Variants in ABI2 observed in about 807,000 individuals in gnomAD.
The protein encoded by ABI2 is abl interactor 2, also known as abelson interactor 2.
A neutral mutation model predicts 59.2 loss-of-function variants in ABI2; 25 were observed. The ratio of observed to expected loss-of-function variants is 0.42; its 90% CI spans 0.31 to 0.59. The LOEUF (loss-of-function observed/expected upper bound fraction) is 0.59. ABI2 is among the 20% of genes least tolerant of loss of function. The pLI is 0.14. For synonymous variants in ABI2, 213 were observed against 235.5 expected, an observed-to-expected ratio of 0.90 and a Z score of 0.87; for missense variants, 545 against 681.8, an observed-to-expected ratio of 0.80 and a Z score of 2.23.
intron 1 of ABI2, among the ~76,000 whole-genome samples, chr2:203,343,585 T>G (rs1437426253): frequency 6.6e-6 from 1 of 152,094 alleles, no homozygotes; most frequent in Non-Finnish European, 1.5e-5. Flanking sequence ...TGCTTGGGCC[T>G]CCCAAAGTGT....
At chr2:203,422,406 TG>T (rs2098257236) in intron 11 of ABI2, among the ~76,000 whole-genome samples, 1 of 152,312 alleles carries the variant, frequency 6.6e-6, no homozygotes, top group East Asian at 1.9e-4. Flanking sequence ...GTGCACTAAC[TG>T]GGGCGGTGAC....
rs756375740 is a variant in ABI2, at chr2:203,396,713, C to CT, written c.851-71dup. The CT allele has an allele frequency of 5.6e-6, 8 of 1,418,434 alleles. No homozygotes were observed. In the Admixed American group the frequency reaches 8.4e-5, roughly 15 times the overall value. 87.9% of individuals were successfully genotyped at this position (1,418,434 alleles called of 1,614,324 possible). A position where few individuals can be genotyped will look rare whatever the true frequency, so the allele number is the denominator to read the frequency against. ...CACTGAATATCTAACATTAAATACT[C>CT]TAATACCTTTTCTAATCCTGCCTCA... On this transcript the variant is annotated intron_variant, in intron 7 of 11. Transcript: ENST00000261018.
At chr2:203,356,414 G>A (rs542596047) in intron 1 of ABI2, among the ~76,000 whole-genome samples, 1 of 152,098 alleles carries the variant, frequency 6.6e-6, no homozygotes, top group South Asian at 2.1e-4. Context: ...TGTTGCCCAG[G>A]CTGGAGTGCA....
chr2:203,356,471 C>T (rs948670731), intron 1 of ABI2, among the ~76,000 whole-genome samples: 2 of 152,130 alleles, frequency 1.3e-5, no homozygotes, highest in African/African-American at 4.8e-5. Flanking sequence ...CAGGTTTGAG[C>T]AATTCTCCTG....
chr2:203,328,748 G>T (rs2070300903), intron 1 of ABI2, 117 bp downstream of exon 1: 1 of 546,168 alleles, frequency 1.8e-6, no homozygotes, highest in Non-Finnish European at 3.1e-6. Context: ...CCCGATGGGG[G>T]TGGGGAGCTG....
At chr2:203,381,256 C>T (rs1156613101) in intron 3 of ABI2, among the ~76,000 whole-genome samples, 1 of 152,092 alleles carries the variant, frequency 6.6e-6, no homozygotes, top group Non-Finnish European at 1.5e-5. Context: ...TTGATGCAAG[C>T]ACTATTATCT....
chr2:203,330,577 G>C (rs2072591643), intron 1 of ABI2, among the ~76,000 whole-genome samples: 1 of 152,152 alleles, frequency 6.6e-6, no homozygotes, highest in Non-Finnish European at 1.5e-5. Flanking sequence ...AGGAGGACTG[G>C]AGGAAGCAAT....
chr2:203,406,373 A>G (rs2097426413), intron 9 of ABI2, among the ~76,000 whole-genome samples: 1 of 152,224 alleles, frequency 6.6e-6, no homozygotes, highest in Non-Finnish European at 1.5e-5. Context: ...CATAAAGTGA[A>G]TGTTGGTTCC....
In ABI2 at chr2:203,328,646, C is replaced by T; in HGVS notation, c.117+15C>T. Reference sequence around the variant, plus strand: ...ACTACATACAGGTGCGAAGCATCCCCAGCTGGGCCGCGTCGGGGACCCCCC... The same window carrying T: ...ACTACATACAGGTGCGAAGCATCCCTAGCTGGGCCGCGTCGGGGACCCCCC... On this transcript the variant is annotated intron_variant, in intron 1 of 11. Coordinates refer to ENST00000261018, the MANE Select transcript of ABI2 (RefSeq NM_001375670.1). 6.6e-7 allele frequency: 1 copy of T among 1,524,512 alleles called. No individual in the cohort carries two copies. The highest frequency in any genetic ancestry group is 8.8e-7 in the Non-Finnish European group (1 of 1,133,846). 94.4% of individuals were successfully genotyped at this position (1,524,512 alleles called of 1,614,324 possible).
intron 1 of ABI2, among the ~76,000 whole-genome samples, chr2:203,358,452 A>G (rs1474407263): frequency 6.6e-6 from 1 of 152,160 alleles, no homozygotes. Context: ...CCAGCCAGAA[A>G]TGTAGTTTGA....
intron 2 of ABI2, among the ~76,000 whole-genome samples, chr2:203,371,422 C>A (rs965819276): frequency 6.6e-6 from 1 of 152,158 alleles, no homozygotes; most frequent in Non-Finnish European, 1.5e-5. Context: ...TATATAGTAT[C>A]AGACACTTTT....
chr2:203,395,448 T>TATATATATATATATACAC (rs750379504), intron 6 of ABI2, among the ~76,000 whole-genome samples: 11 of 115,316 alleles, frequency 9.5e-5, no homozygotes, highest in African/African-American at 1.2e-4. Context: ...TATATATATA[T>TATATATATATATATACAC]ACACACACAC....
chr2:203,373,401 A>G (rs1467680994), intron 2 of ABI2, among the ~76,000 whole-genome samples: 1 of 151,524 alleles, frequency 6.6e-6, no homozygotes, highest in Non-Finnish European at 1.5e-5. Flanking sequence ...GCAGTGAGCC[A>G]AGATGGCAGC....
chr2:203,405,460 C>T (rs145766207), intron 9 of ABI2, among the ~76,000 whole-genome samples: 6 of 151,828 alleles, frequency 4.0e-5, no homozygotes, highest in African/African-American at 9.7e-5. Context: ...TGAGGCAGAA[C>T]GATTGGTTGA....
rs964497911 is a variant in ABI2 at position 203,429,615 on chromosome 2, G to A, written c.*2263G>A. 6 of 152,088 alleles carry A rather than the reference G, an allele frequency of 3.9e-5. No individual in the cohort carries two copies. Among genetic ancestry groups the A allele is most frequent in the Admixed American group, 3.9e-4 (6 of 15,266 alleles). The allele number at this position is 152,088 out of a possible 1,614,324, so 9.4% of individuals were successfully genotyped here. On this transcript the variant is annotated 3_prime_UTR_variant, in exon 12 of 12. Coordinates refer to ENST00000261018, the MANE Select transcript of ABI2 (RefSeq NM_001375670.1). ...CTACTAAAAACACAAAAATTAGCTG[G>A]GCGTGGTGGCGCACACCTGTAGTCC...
intron 1 of ABI2, among the ~76,000 whole-genome samples, chr2:203,349,493 C>T (rs1006691408): frequency 6.6e-6 from 1 of 152,140 alleles, no homozygotes; most frequent in Non-Finnish European, 1.5e-5. Context: ...CAACCTCTGC[C>T]TCCCACGTTC....
intron 5 of ABI2, among the ~76,000 whole-genome samples, chr2:203,391,533 G>T (rs192933075): frequency 1.3e-5 from 2 of 152,216 alleles, no homozygotes; most frequent in African/African-American, 4.8e-5. Context: ...TGAGCTTCAG[G>T]CCAGGTGTGT....
intron 1 of ABI2, among the ~76,000 whole-genome samples, chr2:203,357,216 T>G (rs2152842478): frequency 6.6e-6 from 1 of 152,290 alleles, no homozygotes; most frequent in South Asian, 2.1e-4. Context: ...ATCATGACAT[T>G]TTATAGCTGA....
intron 8 of ABI2, among the ~76,000 whole-genome samples, chr2:203,402,106 C>T (rs2097249021): frequency 1.3e-5 from 2 of 152,170 alleles, no homozygotes; most frequent in African/African-American, 2.4e-5. Context: ...GCAATCTTGG[C>T]TCACTACAAC....
Sources: allele counts gnomAD v4.1 joint callset (sites outside exome capture counted in the v4.1 genomes callset), GRCh38; gene constraint gnomAD v4.1.1; transcripts MANE v1.5; gene names NCBI Gene and HGNC (gene_info 2026-07-23, HGNC 2026-07-21).